AOPEP: variants seen among roughly 807,000 people sequenced by gnomAD.
The protein encoded by AOPEP is aminopeptidase O.
In AOPEP, 77 loss-of-function variants were observed where a neutral mutation model predicts 98.1. The ratio of observed to expected loss-of-function variants is 0.78; its 90% CI spans 0.65 to 0.95. AOPEP has a LOEUF of 0.95. Among genes scored for constraint, AOPEP ranks in the 40% least tolerant of loss-of-function variants. The pLI, the probability that AOPEP is intolerant of heterozygous loss-of-function variation, is 0.00. For missense variants in AOPEP, 1,024 were observed against 1,024.7 expected (o/e 1.00, Z 0.01); for synonymous variants, 346 against 365.3 (o/e 0.95, Z 0.60).
At chr9:94,992,514 G>C (rs188990646) in intron 11 of AOPEP, among the ~76,000 whole-genome samples, 3 of 152,366 alleles carry the variant, frequency 2.0e-5, no homozygotes, top group Admixed American at 1.3e-4. Context: ...AGGAAAGTCG[G>C]TTTGTTATGT....
intron 5 of AOPEP, among the ~76,000 whole-genome samples, chr9:94,840,544 A>G (rs2042152331): frequency 6.6e-6 from 1 of 152,310 alleles, no homozygotes; most frequent in East Asian, 1.9e-4. Flanking sequence ...CTAGAAGAGA[A>G]TGTTTTCTGG....
chr9:95,112,665 C>A, the AOPEP span, among the ~76,000 whole-genome samples: 3 of 152,316 alleles, frequency 2.0e-5, no homozygotes, highest in East Asian at 5.8e-4. Context: ...ATGCACAGAG[C>A]AGTGAGGCTC....
intron 5 of AOPEP, among the ~76,000 whole-genome samples, chr9:94,814,497 A>G (rs1422395837): frequency 2.6e-5 from 4 of 152,188 alleles, no homozygotes; most frequent in Non-Finnish European, 5.9e-5. Context: ...AGTCCTCTTT[A>G]GTGGGACTGC....
intron 5 of AOPEP, among the ~76,000 whole-genome samples, chr9:94,921,929 A>G (rs1319082521): frequency 6.6e-6 from 1 of 152,158 alleles, no homozygotes; most frequent in Non-Finnish European, 1.5e-5. Flanking sequence ...CTCAGAAGAA[A>G]GGATTGAAGA....
At chr9:94,949,734 A>G (rs2057961098) in intron 7 of AOPEP, among the ~76,000 whole-genome samples, 1 of 152,232 alleles carries the variant, frequency 6.6e-6, no homozygotes, top group Non-Finnish European at 1.5e-5. Flanking sequence ...TCAGTGGCAA[A>G]TGTTCATTAT....
At chr9:94,960,753 C>G (rs1188945034) in intron 9 of AOPEP, among the ~76,000 whole-genome samples, 1 of 152,178 alleles carries the variant, frequency 6.6e-6, no homozygotes, top group East Asian at 1.9e-4. Flanking sequence ...TGGCTCACGC[C>G]TGTAATCCCA....
chr9:95,106,980 G>T, the AOPEP span: 2 of 1,305,276 alleles, frequency 1.5e-6, no homozygotes, highest in Non-Finnish European at 2.2e-6. Flanking sequence ...CACACACTGT[G>T]CAGAGGCCAG....
chr9:94,785,658 C>G (rs535898161), intron 3 of AOPEP, among the ~76,000 whole-genome samples: 1 of 152,312 alleles, frequency 6.6e-6, no homozygotes, highest in East Asian at 1.9e-4. Flanking sequence ...GAATCCCGAC[C>G]TGGCTGTGAA....
At chr9:95,055,335 C>T (rs898403211) in intron 13 of AOPEP, among the ~76,000 whole-genome samples, 3 of 152,070 alleles carry the variant, frequency 2.0e-5, no homozygotes, top group African/African-American at 4.8e-5. Flanking sequence ...TGGCTCTGAA[C>T]GTTTTCTGTT....
At chr9:95,090,495 G>A (rs538249800), downstream of AOPEP, among the ~76,000 whole-genome samples, 268 of 152,284 alleles carry the variant, frequency 1.8e-3, 2 homozygotes, top group African/African-American at 6.1e-3. Context: ...GGCCTGCTGC[G>A]GGAGGGGAGG....
chr9:95,115,201 C>G, the AOPEP span, among the ~76,000 whole-genome samples: 1 of 152,190 alleles, frequency 6.6e-6, no homozygotes. Context: ...CTTGGCCTCC[C>G]AAAGTGCTGG....
intron 5 of AOPEP, among the ~76,000 whole-genome samples, chr9:94,858,894 A>G (rs1415650896): frequency 6.6e-6 from 1 of 151,974 alleles, no homozygotes; most frequent in African/African-American, 2.4e-5. Context: ...TGGGTGTGGT[A>G]GCGGGTGCCT....
chr9:94,783,423 G>A (rs1319995185), intron 3 of AOPEP, among the ~76,000 whole-genome samples: 3 of 152,228 alleles, frequency 2.0e-5, no homozygotes, highest in African/African-American at 2.4e-5. Context: ...GCGTCTTACT[G>A]TCTCGTTTGT....
chr9:94,727,848 G>T (rs1235847486), intron 1 of AOPEP, among the ~76,000 whole-genome samples: 3 of 152,126 alleles, frequency 2.0e-5, no homozygotes, highest in Admixed American at 6.5e-5. Context: ...TTTATCCCAG[G>T]TACTGTGTTC....
chr9:95,044,740 C>G (rs1046808968), intron 13 of AOPEP, among the ~76,000 whole-genome samples: 2 of 152,138 alleles, frequency 1.3e-5, no homozygotes, highest in African/African-American at 4.8e-5. Flanking sequence ...GTCACTGTTT[C>G]AGTCCCCAGC....
chr9:94,933,032 A>G (rs535664083), intron 7 of AOPEP: 2 of 985,198 alleles, frequency 2.0e-6, no homozygotes, highest in African/African-American at 3.5e-5. Context: ...CACAGATAAG[A>G]CCCCAAGGAC....
At position 95,020,183 on chromosome 9, in the gene AOPEP, C is replaced by T. The variant is rs1430455172; in HGVS notation, c.2115+14567C>T. ...CCTCTTGCTTTTTCCAGCTGTCTGC[C>T]CAGGTAGCTCCCCAAGGCAGGCATG... On this transcript the variant is annotated intron_variant, in intron 13 of 16. Transcript: ENST00000375315. The T allele has an allele frequency of 2.6e-5, 4 of 152,292 alleles. No homozygotes were observed. In the East Asian group the frequency reaches 7.7e-4, roughly 29 times the overall value. 9.4% of individuals were successfully genotyped at this position (152,292 alleles called of 1,614,324 possible).
At chr9:94,747,435 G>A (rs1270960400) in intron 1 of AOPEP, among the ~76,000 whole-genome samples, 1 of 152,170 alleles carries the variant, frequency 6.6e-6, no homozygotes, top group East Asian at 1.9e-4. Flanking sequence ...CGGTTCCAGA[G>A]AGAATTTAAA....
At chr9:95,049,479 G>A (rs927023702) in intron 13 of AOPEP, among the ~76,000 whole-genome samples, 47 of 151,936 alleles carry the variant, frequency 3.1e-4, no homozygotes, top group African/African-American at 9.9e-4. Flanking sequence ...GGGGAGGGAC[G>A]GAAAGTATGG....
Sources: gnomAD v4.1 joint callset for allele counts (sites outside exome capture counted in the v4.1 genomes callset) on GRCh38, gnomAD v4.1.1 for gene constraint, MANE v1.5 for transcripts, NCBI Gene and HGNC (gene_info 2026-07-23, HGNC 2026-07-21) for gene names.